Variants in DNAI4 observed in about 807,000 individuals in gnomAD.
The protein encoded by DNAI4 is dynein axonemal intermediate chain 4.
Under a neutral mutation model 105.8 loss-of-function variants are expected in DNAI4, and 85 were observed. That is an observed-to-expected ratio of 0.80 (90% CI 0.67 to 0.96). The LOEUF (loss-of-function observed/expected upper bound fraction) is 0.96. Among genes scored for constraint, DNAI4 ranks in the 40% least tolerant of loss-of-function variants. The pLI is 0.00. For synonymous variants in DNAI4, 352 were observed against 331.5 expected (o/e 1.06, Z -0.67); for missense variants, 1,014 against 1,005.6 (o/e 1.01, Z -0.11).
intron 3 of DNAI4, among the ~76,000 whole-genome samples, chr1:66,892,344 T>G (rs1925406): frequency 0.13 from 19,584 of 152,072 alleles, 1,313 homozygotes; most frequent in Middle Eastern, 0.21. Context: ...GAACAGAGAT[T>G]TGCATGGGAG....
chr1:66,871,559 C>G, intron 5 of DNAI4, 50 bp from the exon 6 acceptor site: 1 of 1,447,084 alleles, frequency 6.9e-7, no homozygotes, highest in East Asian at 2.4e-5. Flanking sequence ...CATCACCACA[C>G]GTATTATCTC....
intron 9 of DNAI4, among the ~76,000 whole-genome samples, chr1:66,840,092 T>C (rs1646117203): frequency 6.6e-6 from 1 of 152,216 alleles, no homozygotes; most frequent in Admixed American, 6.5e-5. Context: ...CAAATATGAC[T>C]ACTTTGAAGC....
intron 2 of DNAI4, among the ~76,000 whole-genome samples, chr1:66,899,700 C>T (rs181463782): frequency 3.7e-4 from 56 of 152,258 alleles, no homozygotes; most frequent in African/African-American, 1.3e-3. Flanking sequence ...ACAGTTTTAG[C>T]TCTTAAATCT....
chr1:66,885,706 G>GA (rs1185135863), intron 4 of DNAI4, among the ~76,000 whole-genome samples: 1 of 151,804 alleles, frequency 6.6e-6, no homozygotes, highest in Admixed American at 6.6e-5. Flanking sequence ...AAATAAAAGA[G>GA]AAAAAAAGAA....
rs752110093 is a variant in DNAI4 at position 66,835,784 on chromosome 1, T to C, written c.1582-7A>G. On this transcript the variant is annotated splice_polypyrimidine_tract_variant and splice_region_variant and intron_variant, in intron 10 of 16. Transcript: ENST00000371026. ...GATAAATACGTTCTGGCCACTAAAT[T>C]TTAAAAAATTACATTTTCAATTTGT... 4 of 1,612,554 alleles carry C rather than the reference T, an allele frequency of 2.5e-6. No homozygotes were observed. Among genetic ancestry groups the C allele is most frequent in the Non-Finnish European group, 2.5e-6 (3 of 1,179,418 alleles).
At chr1:66,894,127 T>TA (rs1007338379) in intron 2 of DNAI4, among the ~76,000 whole-genome samples, 4 of 152,144 alleles carry the variant, frequency 2.6e-5, no homozygotes, top group African/African-American at 4.8e-5. Flanking sequence ...TTTTATTTCT[T>TA]AAAAAAATAG....
intron 2 of DNAI4, among the ~76,000 whole-genome samples, chr1:66,893,820 A>G (rs565227722): frequency 2.2e-4 from 34 of 152,300 alleles, no homozygotes; most frequent in African/African-American, 8.2e-4. Flanking sequence ...GTTCTGCACC[A>G]CAAAATGATT....
intron 6 of DNAI4, 156 bp downstream of exon 6, chr1:66,871,214 T>C (rs1009718091): frequency 1.9e-6 from 1 of 533,076 alleles, no homozygotes. Flanking sequence ...TGTCAAATTC[T>C]GAAAGCTATA....
intron 7 of DNAI4, chr1:66,848,193 C>T (rs990061014): frequency 2.2e-6 from 1 of 456,082 alleles, no homozygotes; most frequent in Non-Finnish European, 4.4e-6. Context: ...GAATTTGTTT[C>T]CTTGATTTTT....
intron 1 of DNAI4, among the ~76,000 whole-genome samples, chr1:66,922,390 A>G (rs1650555886): frequency 6.6e-6 from 1 of 152,186 alleles, no homozygotes; most frequent in Non-Finnish European, 1.5e-5. Context: ...AAAAAACTGC[A>G]TATGCACAGG....
rs569785590 is a variant in DNAI4, at chr1:66,902,273, G to A, written c.345+2928C>T. Among the ~76,000 whole-genome samples the A allele has an allele frequency of 3.5e-4, 54 of 152,172 alleles. No individual in the cohort carries two copies. The South Asian group carries it at 8.1e-3, about 23-fold the overall frequency. ...TAGCTGTCATAATAGGTATGAAGTG[G>A]TGTCTTACTGTGATTTTGATTTGCA... On this transcript the variant is annotated intron_variant, in intron 2 of 16. Coordinates refer to ENST00000371026, the MANE Select transcript of DNAI4 (RefSeq NM_024763.5).
intron 4 of DNAI4, among the ~76,000 whole-genome samples, chr1:66,886,725 A>G (rs1198327928): frequency 6.6e-6 from 1 of 152,168 alleles, no homozygotes; most frequent in Non-Finnish European, 1.5e-5. Context: ...TGTCTTGGAG[A>G]CATGGTGTTC....
chr1:66,856,055 T>C (rs780378136), intron 7 of DNAI4, among the ~76,000 whole-genome samples: 7 of 151,948 alleles, frequency 4.6e-5, no homozygotes, highest in Non-Finnish European at 1.0e-4. Flanking sequence ...AGACTGGTCT[T>C]GAACTCCTGA....
chr1:66,839,738 A>T (rs1646108340), intron 9 of DNAI4, among the ~76,000 whole-genome samples: 1 of 152,174 alleles, frequency 6.6e-6, no homozygotes. Context: ...CAACTTGACA[A>T]TTCATCTTAT....
At chr1:66,861,177 A>G (rs949498160) in intron 7 of DNAI4, among the ~76,000 whole-genome samples, 1 of 152,160 alleles carries the variant, frequency 6.6e-6, no homozygotes, top group African/African-American at 2.4e-5. Context: ...TTCTCTTTAA[A>G]CTTGTTATTT....
Position 66,892,953 on chromosome 1 carries a change from G to GAAAGAAAGAAAGA in DNAI4, c.530+263_530+275dup, listed in dbSNP as rs1557964305. On this transcript the variant is annotated intron_variant, in intron 3 of 16. Coordinates refer to ENST00000371026, the MANE Select transcript of DNAI4 (RefSeq NM_024763.5). ...AAGAGAAGAAAGAGAAGAAAGAGAA[G>GAAAGAAAGAAAGA]AAAGAAAGAAAGAAAGAAAGAAAGA... Among the ~76,000 whole-genome samples the GAAAGAAAGAAAGA allele has an allele frequency of 4.2e-5, 3 of 71,168 alleles. No homozygotes were observed. In the East Asian group the frequency reaches 7.8e-4, roughly 19 times the overall value. 46.7% of individuals were successfully genotyped at this position (71,168 alleles called of 152,430 possible).
At chr1:66,849,854 G>A (rs1035739248) in intron 7 of DNAI4, among the ~76,000 whole-genome samples, 8 of 151,916 alleles carry the variant, frequency 5.3e-5, no homozygotes, top group Admixed American at 5.2e-4. Context: ...GAGAACAATG[G>A]AAATAACCCA....
chr1:66,827,846 T>C lies in DNAI4; in HGVS notation c.2078A>G (p.Asn693Ser). The C allele has an allele frequency of 6.2e-7, 1 of 1,606,182 alleles. No individual in the cohort carries two copies. Among genetic ancestry groups the C allele is most frequent in the Non-Finnish European group, 8.5e-7 (1 of 1,176,192 alleles). ...GHIHKCSCSY[N>S]EQYLDTYRGH... Reference sequence around the variant, plus strand: ...TCTGTAGGTATCTAAGTATTGTTCATTATATGAACAAGAACATTTGTGAAT... The same window carrying C: ...TCTGTAGGTATCTAAGTATTGTTCACTATATGAACAAGAACATTTGTGAAT... Residue 693 changes from asparagine (N) to serine (S), a missense_variant, in exon 14 of 17, where the codon AAT becomes AGT. Transcript: ENST00000371026.
intron 7 of DNAI4, among the ~76,000 whole-genome samples, chr1:66,848,888 C>G (rs1312096297): frequency 7.2e-5 from 11 of 152,160 alleles, no homozygotes. Flanking sequence ...TGTAGCCCCA[C>G]CCATGTGACG....
Sources: gnomAD v4.1 joint callset for allele counts (sites outside exome capture counted in the v4.1 genomes callset) on GRCh38, gnomAD v4.1.1 for gene constraint, MANE v1.5 for transcripts, NCBI Gene and HGNC (gene_info 2026-07-23, HGNC 2026-07-21) for gene names.